Variants in RGS6 observed in about 807,000 individuals in gnomAD.
The protein encoded by RGS6 is regulator of G protein signaling 6.
Under a neutral mutation model 78.5 loss-of-function variants are expected in RGS6, and 30 were observed. The ratio of observed to expected loss-of-function variants is 0.38; its 90% confidence interval spans 0.29 to 0.52. The LOEUF (loss-of-function observed/expected upper bound fraction) is 0.52, where lower values mean the gene tolerates loss of function less well. Among genes scored for constraint, RGS6 ranks in the 20% least tolerant of loss-of-function variants. RGS6 has a pLI of 0.85. For synonymous variants in RGS6, 206 were observed against 206.0 expected, an observed-to-expected ratio of 1.00 and a Z score of 0.00; for missense variants, 495 against 609.7, an observed-to-expected ratio of 0.81 and a Z score of 1.98.
the RGS6 span, among the ~76,000 whole-genome samples, chr14:71,913,358 T>C: frequency 8.5e-5 from 13 of 152,354 alleles, no homozygotes; most frequent in Non-Finnish European, 1.5e-4. Context: ...GTCTGTACTT[T>C]CCATCTTCCC....
At chr14:72,329,423 C>T (rs2074501751) in intron 2 of RGS6, among the ~76,000 whole-genome samples, 1 of 152,254 alleles carries the variant, frequency 6.6e-6, no homozygotes. Flanking sequence ...GTGGACACAG[C>T]ATCACCTGCT....
At chr14:72,461,560 T>C (rs745530885) in intron 6 of RGS6, among the ~76,000 whole-genome samples, 2 of 152,092 alleles carry the variant, frequency 1.3e-5, no homozygotes, top group Non-Finnish European at 2.9e-5. Flanking sequence ...GGCATGGTGG[T>C]GCATACCTGT....
chr14:72,387,325 G>A (rs984057011), intron 3 of RGS6, among the ~76,000 whole-genome samples: 13 of 152,086 alleles, frequency 8.5e-5, no homozygotes, highest in African/African-American at 1.2e-4. Context: ...CAAGGTGGGC[G>A]GATCACCAGG....
intron 3 of RGS6, among the ~76,000 whole-genome samples, chr14:72,366,398 A>G (rs1180701914): frequency 6.6e-6 from 1 of 152,208 alleles, no homozygotes; most frequent in Non-Finnish European, 1.5e-5. Flanking sequence ...CCATTAGAAT[A>G]TAATCTCTGT....
At chr14:72,543,773 T>A (rs1056562682) in intron 17 of RGS6, among the ~76,000 whole-genome samples, 1 of 152,222 alleles carries the variant, frequency 6.6e-6, no homozygotes, top group African/African-American at 2.4e-5. Context: ...AGAGTCTCAC[T>A]CTCCGAGCCT....
intron 2 of RGS6, among the ~76,000 whole-genome samples, chr14:72,107,153 A>G (rs1485934148): frequency 1.3e-5 from 2 of 152,214 alleles, no homozygotes; most frequent in East Asian, 3.9e-4. Context: ...AAGCCGGTTG[A>G]ATGCTCAGTT....
chr14:72,399,735 A>G (rs2092100522), intron 3 of RGS6, among the ~76,000 whole-genome samples: 2 of 152,182 alleles, frequency 1.3e-5, no homozygotes, highest in East Asian at 3.8e-4. Context: ...GGTGGTGACA[A>G]AATCTCTCAG....
chr14:72,514,149 G>A (rs899537407), intron 14 of RGS6: 11 of 152,130 alleles, frequency 7.2e-5, no homozygotes, highest in African/African-American at 2.7e-4. Context: ...TGCTGGGGGT[G>A]GTTACTAACG....
At chr14:72,448,737 C>T (rs986033717) in intron 3 of RGS6, among the ~76,000 whole-genome samples, 4 of 152,044 alleles carry the variant, frequency 2.6e-5, no homozygotes, top group African/African-American at 9.7e-5. Context: ...AAACTGAATA[C>T]ATACAGAATA....
the RGS6 span, chr14:72,612,573 G>A: frequency 2.2e-6 from 1 of 460,684 alleles, no homozygotes; most frequent in Non-Finnish European, 4.1e-6. Flanking sequence ...TCACGGCAGA[G>A]GGAAGGGAGG....
intron 2 of RGS6, among the ~76,000 whole-genome samples, chr14:72,332,453 C>T (rs1401804413): frequency 1.3e-5 from 2 of 152,192 alleles, no homozygotes; most frequent in Non-Finnish European, 2.9e-5. Flanking sequence ...GAGATCAAAA[C>T]ATCACTTTTG....
chr14:72,076,880 A>G (rs2094592474), intron 2 of RGS6, among the ~76,000 whole-genome samples: 1 of 151,642 alleles, frequency 6.6e-6, no homozygotes, highest in Non-Finnish European at 1.5e-5. Context: ...GGCTATCTAT[A>G]GTCAAATTAT....
chr14:72,380,764 T>C (rs1323347710), intron 3 of RGS6, among the ~76,000 whole-genome samples: 1 of 151,808 alleles, frequency 6.6e-6, no homozygotes, highest in African/African-American at 2.4e-5. Flanking sequence ...AGTATGGAGG[T>C]TCCTCAAAAC....
intron 2 of RGS6, among the ~76,000 whole-genome samples, chr14:72,278,907 G>C (rs2061133011): frequency 6.6e-6 from 1 of 152,046 alleles, no homozygotes; most frequent in Non-Finnish European, 1.5e-5. Flanking sequence ...CCCACTTCCT[G>C]GCTGTGGGCA....
At chr14:72,094,368 G>A (rs542660089) in intron 2 of RGS6, among the ~76,000 whole-genome samples, 6 of 152,306 alleles carry the variant, frequency 3.9e-5, no homozygotes, top group Admixed American at 3.3e-4. Flanking sequence ...GAATGTAAAT[G>A]AGGTATAGCT....
chr14:72,109,238 T>A (rs1399268905), intron 2 of RGS6, among the ~76,000 whole-genome samples: 10 of 152,180 alleles, frequency 6.6e-5, no homozygotes, highest in African/African-American at 2.4e-4. Context: ...TGTGTAACAA[T>A]TTGTGATTTA....
intron 13 of RGS6, 49 bp from the exon 14 acceptor site, chr14:72,510,105 C>A: frequency 6.5e-7 from 1 of 1,528,038 alleles, no homozygotes; most frequent in Non-Finnish European, 8.8e-7. Flanking sequence ...ATGACACGAG[C>A]TTTTCTCTGG....
chr14:72,203,265 T>A (rs979402551), intron 2 of RGS6, among the ~76,000 whole-genome samples: 3 of 152,208 alleles, frequency 2.0e-5, no homozygotes, highest in Non-Finnish European at 4.4e-5. Context: ...TAGGCACAAA[T>A]GCATACTGGA....
chr14:72,066,808 A>ATTT (rs60072172), intron 2 of RGS6, among the ~76,000 whole-genome samples: 1,815 of 140,766 alleles, frequency 0.013, 19 homozygotes, highest in Non-Finnish European at 0.02. Context: ...TTTAGAGGCA[A>ATTT]TTTTTTTTTT....
Sources: gnomAD v4.1 joint callset for allele counts (sites outside exome capture counted in the v4.1 genomes callset) on GRCh38, gnomAD v4.1.1 for gene constraint, MANE v1.5 for transcripts, NCBI Gene and HGNC (gene_info 2026-07-23, HGNC 2026-07-21) for gene names.